KIAA1217: variants seen among roughly 807,000 people sequenced by gnomAD.
The protein encoded by KIAA1217 is sickle tail protein homolog.
In KIAA1217, 88 loss-of-function variants were observed where a neutral mutation model predicts 163.9. The ratio of observed to expected loss-of-function variants is 0.54; its 90% CI spans 0.45 to 0.64. KIAA1217 has a LOEUF of 0.64. Among genes scored for constraint, KIAA1217 ranks in the 30% least tolerant of loss-of-function variants. The pLI is 0.00. For synonymous variants in KIAA1217, 903 were observed against 923.1 expected (o/e 0.98, Z 0.39); for missense variants, 2,372 against 2,475.0 (o/e 0.96, Z 0.88).
At chr10:24,235,117 C>T (rs911298796) in intron 2 of KIAA1217, among the ~76,000 whole-genome samples, 3 of 152,176 alleles carry the variant, frequency 2.0e-5, no homozygotes, top group Admixed American at 2.0e-4. Flanking sequence ...CTAAGGTCTT[C>T]AACTGATTAA....
intron 2 of KIAA1217, among the ~76,000 whole-genome samples, chr10:24,188,070 G>A (rs547546145): frequency 3.6e-4 from 55 of 151,954 alleles, no homozygotes; most frequent in African/African-American, 1.2e-3. Context: ...TGGTGGCAGC[G>A]CCTGTAATCC....
chr10:23,698,321 T>A (rs1247665076), intron 1 of KIAA1217, among the ~76,000 whole-genome samples: 2 of 152,222 alleles, frequency 1.3e-5, no homozygotes, highest in Admixed American at 1.3e-4. Context: ...GTGGATAATT[T>A]ATGGTGGCTT....
intron 5 of KIAA1217, among the ~76,000 whole-genome samples, chr10:24,460,153 G>C (rs2062236563): frequency 6.6e-6 from 1 of 152,086 alleles, no homozygotes; most frequent in South Asian, 2.1e-4. Context: ...GAAAGCAGAT[G>C]GGTTTTCAAA....
intron 5 of KIAA1217, among the ~76,000 whole-genome samples, chr10:24,469,213 C>T (rs2063242710): frequency 4.6e-5 from 7 of 152,214 alleles, no homozygotes; most frequent in Admixed American, 4.6e-4. Context: ...GCAACCTCCG[C>T]CTCCCAGGCT....
intron 1 of KIAA1217, among the ~76,000 whole-genome samples, chr10:23,935,429 G>A (rs1843484832): frequency 6.6e-6 from 1 of 152,154 alleles, no homozygotes; most frequent in African/African-American, 2.4e-5. Context: ...TATTTTGTCT[G>A]TACTCACTCG....
At chr10:24,214,886 T>C (rs1376727394) in intron 1 of KIAA1217, among the ~76,000 whole-genome samples, 1 of 152,164 alleles carries the variant, frequency 6.6e-6, no homozygotes, top group Non-Finnish European at 1.5e-5. Flanking sequence ...AGGTGTGGAA[T>C]GCCTGAGTGG....
In KIAA1217 at chr10:24,309,356, A is replaced by G. The variant is rs1024064867; in HGVS notation, c.355-71513A>G. ...GGCGCGCGCACGCGCGCGCGCACACACACACACACACACACACACACACGG... is the reference window on the plus strand; with the variant it reads ...GGCGCGCGCACGCGCGCGCGCACACGCACACACACACACACACACACACGG... On this transcript the variant is annotated intron_variant, in intron 2 of 20. Coordinates refer to ENST00000376454, the MANE Select transcript of KIAA1217 (RefSeq NM_019590.5). Among the ~76,000 whole-genome samples, 1,432 of 150,418 alleles carry G rather than the reference A, an allele frequency of 9.5e-3. 21 individuals are homozygous for G. The highest frequency in any genetic ancestry group is 0.03 in the African/African-American group (1,235 of 40,502).
At chr10:23,727,164 AT>A (rs1341458433) in intron 1 of KIAA1217, among the ~76,000 whole-genome samples, 1 of 150,136 alleles carries the variant, frequency 6.7e-6, no homozygotes, top group African/African-American at 2.4e-5. Flanking sequence ...CTTTTTTTGT[AT>A]TTTTTTTAGT....
intron 1 of KIAA1217, among the ~76,000 whole-genome samples, chr10:24,211,580 G>T (rs202210429): frequency 0.58 from 82,631 of 141,962 alleles, 24,854 homozygotes; most frequent in East Asian, 0.7. Flanking sequence ...GTATTGTATT[G>T]TATTGTATTG....
chr10:24,259,262 A>G (rs1362842424), intron 2 of KIAA1217, among the ~76,000 whole-genome samples: 1 of 152,096 alleles, frequency 6.6e-6, no homozygotes, highest in African/African-American at 2.4e-5. Context: ...GTCTTGCCTA[A>G]CTGAAACCAT....
intron 1 of KIAA1217, among the ~76,000 whole-genome samples, chr10:23,913,486 G>T (rs550193481): frequency 1.3e-5 from 2 of 151,564 alleles, no homozygotes; most frequent in Admixed American, 1.3e-4. Context: ...CCTTATTAAC[G>T]TGCATGGGGG....
At chr10:23,983,346 A>C (rs1011940081) in intron 1 of KIAA1217, among the ~76,000 whole-genome samples, 2 of 152,186 alleles carry the variant, frequency 1.3e-5, no homozygotes, top group Non-Finnish European at 2.9e-5. Flanking sequence ...TAATTTATCA[A>C]GAAAAGAAGT....
intron 1 of KIAA1217, among the ~76,000 whole-genome samples, chr10:23,842,404 A>G (rs1044959624): frequency 2.6e-5 from 4 of 152,174 alleles, no homozygotes; most frequent in African/African-American, 4.8e-5. Flanking sequence ...CATTATACAG[A>G]TAAGTCGGAA....
chr10:24,065,090 C>T (rs2060885608), intron 2 of KIAA1217, among the ~76,000 whole-genome samples: 1 of 152,118 alleles, frequency 6.6e-6, no homozygotes, highest in Non-Finnish European at 1.5e-5. Context: ...TTCAAAAAAC[C>T]AGCTCCTGGA....
intron 1 of KIAA1217, among the ~76,000 whole-genome samples, chr10:23,943,004 G>A (rs1263272661): frequency 6.6e-6 from 1 of 151,232 alleles, no homozygotes; most frequent in Admixed American, 6.6e-5. Context: ...CATACCTGTA[G>A]CCCCCAGCTA....
At chr10:24,275,412 G>C (rs986975954) in intron 2 of KIAA1217, among the ~76,000 whole-genome samples, 1 of 152,182 alleles carries the variant, frequency 6.6e-6, no homozygotes, top group Non-Finnish European at 1.5e-5. Flanking sequence ...CTTCCTTACA[G>C]TATGAAAACT....
intron 3 of KIAA1217, among the ~76,000 whole-genome samples, chr10:24,411,459 C>A (rs1442124804): frequency 1.3e-5 from 2 of 152,216 alleles, no homozygotes; most frequent in Non-Finnish European, 2.9e-5. Context: ...ATTGTACTTA[C>A]ATTCCCAAGA....
chr10:23,920,964 A>G (rs1589079798), intron 1 of KIAA1217, among the ~76,000 whole-genome samples: 1 of 152,170 alleles, frequency 6.6e-6, no homozygotes, highest in Admixed American at 6.5e-5. Context: ...GCCTGCCACC[A>G]TGTAAGAAGT....
intron 2 of KIAA1217, among the ~76,000 whole-genome samples, chr10:24,027,715 A>G (rs923109126): frequency 3.9e-5 from 6 of 152,176 alleles, no homozygotes; most frequent in Non-Finnish European, 5.9e-5. Flanking sequence ...TAAAATATCA[A>G]TGAAAATTTT....
Sources: gnomAD v4.1 joint callset for allele counts (sites outside exome capture counted in the v4.1 genomes callset) on GRCh38, gnomAD v4.1.1 for gene constraint, MANE v1.5 for transcripts, NCBI Gene and HGNC (gene_info 2026-07-23, HGNC 2026-07-21) for gene names.